Variants in MINDY4 observed in about 807,000 individuals in gnomAD.
MINDY4 encodes MINDY lysine 48 deubiquitinase 4, also known as probable ubiquitin carboxyl-terminal hydrolase MINDY-4.
MINDY4 carries 68 observed loss-of-function variants against 87.0 expected under a neutral mutation model. The observed-to-expected ratio is 0.78, with a 90% CI of 0.64 to 0.96. The LOEUF (loss-of-function observed/expected upper bound fraction) is 0.96, where lower values mean the gene tolerates loss of function less well. Ranked by LOEUF, MINDY4 falls within the 40% of genes least tolerant of loss-of-function variation. MINDY4 has a pLI of 0.00. For missense variants in MINDY4, 919 were observed against 928.2 expected (o/e 0.99, Z 0.13); for synonymous variants, 379 against 363.2 (o/e 1.04, Z -0.50).
intron 16 of MINDY4, 152 bp from the exon 17 acceptor site, chr7:30,882,769 G>T: frequency 1.5e-6 from 1 of 684,756 alleles, no homozygotes; most frequent in Non-Finnish European, 2.6e-6. Flanking sequence ...GTGCAGGTGA[G>T]AATGGATGTC....
At chr7:30,860,882 C>A (rs948826321) in intron 13 of MINDY4, among the ~76,000 whole-genome samples, 2 of 152,174 alleles carry the variant, frequency 1.3e-5, no homozygotes, top group Non-Finnish European at 2.9e-5. Context: ...GAATGCTGCC[C>A]TGCTGGACCT....
intron 5 of MINDY4, among the ~76,000 whole-genome samples, chr7:30,791,909 A>G (rs1584243230): frequency 6.6e-6 from 1 of 152,142 alleles, no homozygotes; most frequent in Non-Finnish European, 1.5e-5. Context: ...AAAAAACTCA[A>G]TGTTTTAAGA....
chr7:30,845,704 T>C (rs1238488472), intron 9 of MINDY4, among the ~76,000 whole-genome samples: 2 of 152,072 alleles, frequency 1.3e-5, no homozygotes, highest in African/African-American at 4.8e-5. Flanking sequence ...ACCTCAGATG[T>C]TGCCCACCAC....
At chr7:30,876,976 G>A (rs915280492) in intron 15 of MINDY4, among the ~76,000 whole-genome samples, 3 of 152,122 alleles carry the variant, frequency 2.0e-5, no homozygotes, top group East Asian at 1.9e-4. Context: ...GGTGTGCTGT[G>A]TCTTGCTAAT....
At chr7:30,843,534 A>G (rs1236436922) in intron 9 of MINDY4, among the ~76,000 whole-genome samples, 1 of 147,526 alleles carries the variant, frequency 6.8e-6, no homozygotes, top group African/African-American at 2.6e-5. Context: ...CAAGGCATTT[A>G]AGCATGTTCC....
At chr7:30,886,235 T>C (rs1274761686) in intron 17 of MINDY4, among the ~76,000 whole-genome samples, 1 of 151,852 alleles carries the variant, frequency 6.6e-6, no homozygotes, top group Non-Finnish European at 1.5e-5. Flanking sequence ...CAGGTAGAAT[T>C]CCCCCACATC....
intron 3 of MINDY4, among the ~76,000 whole-genome samples, chr7:30,784,430 T>C (rs1045539494): frequency 2.0e-5 from 3 of 152,216 alleles, no homozygotes; most frequent in Non-Finnish European, 4.4e-5. Context: ...CCTCTTTTCC[T>C]GGTTAATTCC....
chr7:30,859,170 C>A, intron 12 of MINDY4, 87 bp from the exon 13 acceptor site: 1 of 1,374,444 alleles, frequency 7.3e-7, no homozygotes, highest in Non-Finnish European at 1.0e-6. Flanking sequence ...GCAGGCTGCT[C>A]CCTGGGGTGT....
intron 1 of MINDY4, among the ~76,000 whole-genome samples, chr7:30,777,370 C>T (rs549355617): frequency 2.0e-5 from 3 of 152,134 alleles, no homozygotes; most frequent in Non-Finnish European, 4.4e-5. Flanking sequence ...AGATGAAATG[C>T]GGGTGGTTGG....
At chr7:30,882,432 G>A in intron 16 of MINDY4, 71 bp downstream of exon 16, 1 of 1,261,422 alleles carries the variant, frequency 7.9e-7, no homozygotes, top group South Asian at 1.6e-5. Flanking sequence ...ACAGAAACCA[G>A]CCTTCCTATC....
At chr7:30,812,951 G>A (rs1160462542) in intron 5 of MINDY4, among the ~76,000 whole-genome samples, 1 of 152,188 alleles carries the variant, frequency 6.6e-6, no homozygotes, top group Non-Finnish European at 1.5e-5. Context: ...AAAAGCTCCA[G>A]ATACCTTTGG....
intron 5 of MINDY4, among the ~76,000 whole-genome samples, chr7:30,823,760 T>A (rs1306533357): frequency 6.6e-6 from 1 of 152,214 alleles, no homozygotes; most frequent in East Asian, 1.9e-4. Flanking sequence ...TGGTACATGG[T>A]ACATCATTTC....
chr7:30,820,254 A>AT (rs897060754), intron 5 of MINDY4, among the ~76,000 whole-genome samples: 31 of 148,606 alleles, frequency 2.1e-4, no homozygotes, highest in Non-Finnish European at 2.8e-4. Context: ...GGCAAGTTTA[A>AT]TTTTTTTTTT....
At chr7:30,775,710 A>G (rs1457406105) in intron 1 of MINDY4, among the ~76,000 whole-genome samples, 1 of 152,148 alleles carries the variant, frequency 6.6e-6, no homozygotes, top group Non-Finnish European at 1.5e-5. Flanking sequence ...GTCCCCATCC[A>G]CTAGTCATCA....
chr7:30,878,529 G>T (rs1371869515), intron 15 of MINDY4, among the ~76,000 whole-genome samples: 6 of 152,140 alleles, frequency 3.9e-5, no homozygotes, highest in African/African-American at 7.2e-5. Context: ...TCCCACACCT[G>T]GCCCAGGACA....
chr7:30,857,334 C>A (rs1789605977), intron 12 of MINDY4, among the ~76,000 whole-genome samples: 1 of 152,140 alleles, frequency 6.6e-6, no homozygotes, highest in East Asian at 1.9e-4. Flanking sequence ...GAAGGCCCTT[C>A]CTGTGTGTTT....
At chr7:30,782,761 G>A (rs1397647505) in intron 3 of MINDY4, among the ~76,000 whole-genome samples, 3 of 152,054 alleles carry the variant, frequency 2.0e-5, no homozygotes, top group Non-Finnish European at 4.4e-5. Flanking sequence ...TGTAAGGGCT[G>A]GCAAGTCTGA....
chr7:30,775,295 C>A (rs1011646605), intron 1 of MINDY4, among the ~76,000 whole-genome samples: 7 of 150,406 alleles, frequency 4.7e-5, no homozygotes, highest in African/African-American at 1.8e-4. Context: ...TTCCCACAAC[C>A]CCCTCCACAG....
intron 3 of MINDY4, 44 bp from the exon 4 acceptor site, chr7:30,785,705 C>A: frequency 6.2e-7 from 1 of 1,606,582 alleles, no homozygotes. Flanking sequence ...GTTACTGATT[C>A]CTTTTGGGGA....
Sources: gnomAD v4.1 joint callset for allele counts (sites outside exome capture counted in the v4.1 genomes callset) on GRCh38, gnomAD v4.1.1 for gene constraint, MANE v1.5 for transcripts, NCBI Gene and HGNC (gene_info 2026-07-23, HGNC 2026-07-21) for gene names.